The following DCBLD2 variants were observed in gnomAD, a reference collection of about 807,000 sequenced individuals.
DCBLD2 encodes the protein discoidin, CUB and LCCL domain-containing protein 2.
Under a neutral mutation model 86.8 loss-of-function variants are expected in DCBLD2, and 54 were observed. That is an observed-to-expected ratio of 0.62 (90% CI 0.50 to 0.78). The LOEUF is 0.78. Among genes scored for constraint, DCBLD2 ranks in the 30% least tolerant of loss-of-function variants. The pLI is 0.00. For missense variants in DCBLD2, 908 were observed against 954.2 expected (o/e 0.95, Z 0.64); for synonymous variants, 354 against 341.3 (o/e 1.04, Z -0.41).
intron 13 of DCBLD2, chr3:98,801,979 AAG>A (rs1418567898): frequency 5.0e-6 from 1 of 199,516 alleles, no homozygotes; most frequent in Non-Finnish European, 1.0e-5. Flanking sequence ...GGTTGGTTCC[AAG>A]TCTTTGCTAT....
intron 6 of DCBLD2, among the ~76,000 whole-genome samples, chr3:98,821,844 G>A (rs1210159548): frequency 6.6e-6 from 1 of 152,024 alleles, no homozygotes; most frequent in African/African-American, 2.4e-5. Flanking sequence ...TCAGGAGTTC[G>A]AGAGCAGCCT....
chr3:98,822,190 T>A, intron 6 of DCBLD2, 38 bp downstream of exon 6: 8 of 1,610,034 alleles, frequency 5.0e-6, no homozygotes, highest in Non-Finnish European at 6.8e-6. Flanking sequence ...ATGCTAATTA[T>A]ATATAGCATA....
chr3:98,875,039 C>T (rs1006266978), intron 2 of DCBLD2, among the ~76,000 whole-genome samples: 2 of 152,158 alleles, frequency 1.3e-5, no homozygotes, highest in African/African-American at 2.4e-5. Flanking sequence ...TACTGTTTAA[C>T]GTAGTCCTGG....
At chr3:98,885,486 T>G (rs1414037331) in intron 1 of DCBLD2, among the ~76,000 whole-genome samples, 1 of 152,154 alleles carries the variant, frequency 6.6e-6, no homozygotes, top group Non-Finnish European at 1.5e-5. Context: ...TGCACGCTCA[T>G]GACCCACTAA....
At chr3:98,856,872 A>G (rs1942939106) in intron 2 of DCBLD2, among the ~76,000 whole-genome samples, 1 of 152,264 alleles carries the variant, frequency 6.6e-6, no homozygotes, top group South Asian at 2.1e-4. Context: ...GAATATTTAA[A>G]AAGTAAAAAG....
chr3:98,854,687 TATC>T (rs1355028006), intron 2 of DCBLD2, among the ~76,000 whole-genome samples: 3 of 152,244 alleles, frequency 2.0e-5, no homozygotes, highest in Non-Finnish European at 4.4e-5. Flanking sequence ...TTCTACAACA[TATC>T]ATAGTCATTG....
chr3:98,849,517 C>T lies in DCBLD2; in HGVS notation c.515G>A (p.Gly172Glu), dbSNP rs1942794035. 7 of 1,613,734 alleles carry T rather than the reference C, an allele frequency of 4.3e-6. No homozygotes were observed. Among genetic ancestry groups the T allele is most frequent in the Non-Finnish European group, 5.9e-6 (7 of 1,179,850 alleles). ...AAATCCGCGTCCAGAAACATGGATTCCACTCATGAACAGCAATGTGATTTC... is the reference window on the plus strand; with the variant it reads ...AAATCCGCGTCCAGAAACATGGATTTCACTCATGAACAGCAATGTGATTTC... ...GNEITLLFMS[G>E]IHVSGRGFLA... The change falls in exon 3 of 16, where the codon GGA becomes GAA. Residue 172 changes from glycine (G) to glutamate (E), a missense_variant. This residue lies in a region of DCBLD2 where 294 missense variants were observed against 256.0 expected (regional missense o/e 1.15). Coordinates refer to ENST00000326840, the MANE Select transcript of DCBLD2 (RefSeq NM_080927.4).
At chr3:98,802,432 T>C (rs1382534607) in intron 13 of DCBLD2, among the ~76,000 whole-genome samples, 1 of 152,192 alleles carries the variant, frequency 6.6e-6, no homozygotes, top group East Asian at 1.9e-4. Context: ...TTGTTTGAGT[T>C]CTTTGTAGAT....
intron 12 of DCBLD2, among the ~76,000 whole-genome samples, chr3:98,809,883 G>C (rs949747950): frequency 6.6e-6 from 1 of 152,124 alleles, no homozygotes; most frequent in Admixed American, 6.6e-5. Context: ...AATTCACAAC[G>C]GTAAATGTGC....
At chr3:98,900,916 G>A (rs1052366245) in intron 1 of DCBLD2, 4 of 860,524 alleles carry the variant, frequency 4.6e-6, no homozygotes, top group Non-Finnish European at 6.9e-6. Context: ...AAATGGCCTT[G>A]CCAAAAAGTA....
chr3:98,876,710 C>T (rs959929926), intron 2 of DCBLD2, among the ~76,000 whole-genome samples: 2 of 152,102 alleles, frequency 1.3e-5, no homozygotes, highest in African/African-American at 4.8e-5. Flanking sequence ...CCAAAGACAC[C>T]TCTAAGAATA....
chr3:98,844,034 G>GCACA (rs10574415), intron 3 of DCBLD2, among the ~76,000 whole-genome samples: 75 of 145,628 alleles, frequency 5.2e-4, no homozygotes, highest in East Asian at 2.1e-3. Flanking sequence ...AATCATGCAT[G>GCACA]CACACACACA....
At chr3:98,866,145 T>C (rs1443464598) in intron 2 of DCBLD2, among the ~76,000 whole-genome samples, 2 of 152,154 alleles carry the variant, frequency 1.3e-5, no homozygotes, top group African/African-American at 4.8e-5. Flanking sequence ...GTCTTTGCTA[T>C]TGTGAATAGT....
At chr3:98,851,503 C>T (rs1463833681) in intron 2 of DCBLD2, among the ~76,000 whole-genome samples, 2 of 152,100 alleles carry the variant, frequency 1.3e-5, no homozygotes, top group African/African-American at 4.8e-5. Context: ...AGGAAAATGG[C>T]CATAATGCCC....
At position 98,883,922 on chromosome 3, in the gene DCBLD2, A is replaced by T. The variant is rs1166856501; in HGVS notation, c.206-2155T>A. On this transcript the variant is annotated intron_variant, in intron 1 of 15. Coordinates refer to ENST00000326840, the MANE Select transcript of DCBLD2 (RefSeq NM_080927.4). ...AAAAGATGAAAACTTTCAAAAGCCT[A>T]TGAATAAGAATTTCATGTAGTTTTT... Among the ~76,000 whole-genome samples the T allele has an allele frequency of 2.0e-5, 3 of 152,278 alleles. No individual in the cohort carries two copies. The East Asian group carries it at 5.8e-4, about 29-fold the overall frequency.
At chr3:98,843,562 C>A (rs1317509247) in intron 3 of DCBLD2, among the ~76,000 whole-genome samples, 1 of 152,048 alleles carries the variant, frequency 6.6e-6, no homozygotes, top group African/African-American at 2.4e-5. Context: ...GTCAGCCCTA[C>A]GTTTCATTTG....
At chr3:98,827,867 A>T (rs1362659416) in intron 3 of DCBLD2, among the ~76,000 whole-genome samples, 1 of 152,252 alleles carries the variant, frequency 6.6e-6, no homozygotes, top group Non-Finnish European at 1.5e-5. Flanking sequence ...TTCTGATAGC[A>T]ATGTATAAGT....
intron 2 of DCBLD2, among the ~76,000 whole-genome samples, chr3:98,863,377 T>A (rs552290266): frequency 6.6e-6 from 1 of 152,228 alleles, no homozygotes; most frequent in African/African-American, 2.4e-5. Context: ...AAAGTTCATA[T>A]GGAACCAAAA....
intron 3 of DCBLD2, among the ~76,000 whole-genome samples, chr3:98,839,144 C>CTTCTTTCTTTCTTTCTTTCTTTCT (rs1328181094): frequency 9.0e-6 from 1 of 110,952 alleles, no homozygotes; most frequent in African/African-American, 3.5e-5. Context: ...TCCTTCCTTC[C>CTTCTTTCTTTCTTTCTTTCTTTCT]TTCTTTCTTT....
Sources: gnomAD v4.1 joint callset for allele counts (sites outside exome capture counted in the v4.1 genomes callset) on GRCh38, gnomAD v4.1.1 for gene constraint, gnomAD v4.1.1 regional missense constraint, MANE v1.5 for transcripts, NCBI Gene and HGNC (gene_info 2026-07-23, HGNC 2026-07-21) for gene names.